OBI1: variants seen among roughly 807,000 people sequenced by gnomAD.
The protein encoded by OBI1 is ORC ubiquitin ligase 1.
In OBI1, 59 loss-of-function variants were observed where a neutral mutation model predicts 62.4. That is an observed-to-expected ratio of 0.95 (90% confidence interval 0.77 to 1.17). The LOEUF (loss-of-function observed/expected upper bound fraction) is 1.17, where lower values mean the gene tolerates loss of function less well. Ranked by LOEUF, OBI1 falls within the 50% of genes most tolerant of loss-of-function variation. The pLI is 0.00. For missense variants in OBI1, 875 were observed against 830.9 expected, an observed-to-expected ratio of 1.05 and a Z score of -0.65; for synonymous variants, 302 against 292.8, an observed-to-expected ratio of 1.03 and a Z score of -0.32.
rs770447882 is a variant in OBI1 at position 78,659,091 on chromosome 13, C to T, written c.30G>A (p.Leu10=). The change falls in exon 1 of 6, where the codon TTG becomes TTA. Residue 10 remains leucine, a synonymous_variant. Coordinates refer to ENST00000282003, the MANE Select transcript of OBI1 (RefSeq NM_024546.4). Reference sequence around the variant, plus strand: ...GGCACGTGATGGGCAGAGTGAGCGACAATGTAACATTCTGCACGGTCTGAG... The same window carrying T: ...GGCACGTGATGGGCAGAGTGAGCGATAATGTAACATTCTGCACGGTCTGAG... The part of the protein sequence containing the change: MAQTVQNVT[L]SLTLPITCHI... 2 of 1,612,684 alleles carry T rather than the reference C, an allele frequency of 1.2e-6. No homozygotes were observed. The highest frequency in any genetic ancestry group is 1.1e-5 in the South Asian group (1 of 90,946).
intron 2 of OBI1, among the ~76,000 whole-genome samples, chr13:78,643,315 T>TAA: frequency 6.6e-6 from 1 of 150,958 alleles, no homozygotes; most frequent in Middle Eastern, 3.4e-3. Context: ...ATTCAGCAGG[T>TAA]AAAAAAAAAC....
Position 78,642,216 on chromosome 13 carries a change from G to T in OBI1, c.209-3C>A. ...AGGTTCACTTTCACTTGTTCCTCCT[G>T]TAGGGAAAAAAAAAAAAATCCTAAT... On this transcript the variant is annotated splice_region_variant and splice_polypyrimidine_tract_variant and intron_variant, in intron 2 of 5. Coordinates refer to ENST00000282003, the MANE Select transcript of OBI1 (RefSeq NM_024546.4). 6.4e-7 allele frequency: 1 copy of T among 1,551,696 alleles called. No homozygotes were observed. Among genetic ancestry groups the T allele is most frequent in the Non-Finnish European group, 8.8e-7 (1 of 1,138,400 alleles).
In OBI1 at chr13:78,614,379, T is replaced by A. The variant is rs1053437364; in HGVS notation, c.*1201A>T. ...TACAATATTAATGTAAAATGTTCAG[T>A]GCACATTAAACAGCATACATACCCA... On this transcript the variant is annotated 3_prime_UTR_variant, in exon 6 of 6. Transcript: ENST00000282003. The A allele has an allele frequency of 2.6e-5, 4 of 152,618 alleles. No individual in the cohort carries two copies. The East Asian group carries it at 7.7e-4, about 29-fold the overall frequency. 9.5% of individuals were successfully genotyped at this position (152,618 alleles called of 1,614,324 possible).
intron 5 of OBI1, among the ~76,000 whole-genome samples, chr13:78,628,969 C>G (rs1369338811): frequency 6.6e-6 from 1 of 151,918 alleles, no homozygotes; most frequent in Admixed American, 6.5e-5. Context: ...ATTATTAAAG[C>G]CCTAAGCTAA....
At chr13:78,634,965 G>A in intron 5 of OBI1, 145 bp downstream of exon 5, 1 of 513,014 alleles carries the variant, frequency 1.9e-6, no homozygotes, top group Non-Finnish European at 3.4e-6. Context: ...ACAACACGAA[G>A]TATAAACTTG....
At chr13:78,637,163 A>G (rs1327021936) in intron 4 of OBI1, among the ~76,000 whole-genome samples, 2 of 152,212 alleles carry the variant, frequency 1.3e-5, no homozygotes, top group African/African-American at 4.8e-5. Flanking sequence ...TCAGAAAAAA[A>G]GTCCACTTCA....
intron 5 of OBI1, among the ~76,000 whole-genome samples, chr13:78,626,862 C>T (rs902118941): frequency 3.9e-5 from 6 of 152,132 alleles, no homozygotes; most frequent in Non-Finnish European, 2.9e-5. Flanking sequence ...GTCAGGAGAT[C>T]GAGACCATCC....
intron 1 of OBI1, among the ~76,000 whole-genome samples, chr13:78,652,586 G>A (rs185941896): frequency 2.0e-5 from 3 of 152,064 alleles, no homozygotes; most frequent in Admixed American, 6.5e-5. Context: ...CCTAGGGAGC[G>A]GTCCCCAACC....
chr13:78,656,266 G>A (rs1015423788), intron 1 of OBI1, among the ~76,000 whole-genome samples: 1 of 152,198 alleles, frequency 6.6e-6, no homozygotes, highest in Non-Finnish European at 1.5e-5. Context: ...TACTGTTACA[G>A]ATAAGGAAAC....
intron 4 of OBI1, among the ~76,000 whole-genome samples, chr13:78,636,217 GACA>G (rs1466466770): frequency 6.6e-6 from 1 of 152,078 alleles, no homozygotes; most frequent in Non-Finnish European, 1.5e-5. Flanking sequence ...ACTGATTCTG[GACA>G]CACTGAAAAC....
At chr13:78,653,915 C>T (rs1876619178) in intron 1 of OBI1, among the ~76,000 whole-genome samples, 1 of 151,682 alleles carries the variant, frequency 6.6e-6, no homozygotes, top group African/African-American at 2.4e-5. Flanking sequence ...AGGGGCACCA[C>T]TACTTCAACA....
intron 5 of OBI1, among the ~76,000 whole-genome samples, chr13:78,631,390 CAGAG>C (rs1875845198): frequency 6.6e-6 from 1 of 152,068 alleles, no homozygotes; most frequent in South Asian, 2.1e-4. Context: ...CTTTAGGGGT[CAGAG>C]AGAGTATTTA....
At chr13:78,630,824 T>C (rs1875823223) in intron 5 of OBI1, among the ~76,000 whole-genome samples, 1 of 152,196 alleles carries the variant, frequency 6.6e-6, no homozygotes, top group Non-Finnish European at 1.5e-5. Context: ...TAGGGTATTT[T>C]GTTATAGCAG....
chr13:78,644,728 A>C, intron 2 of OBI1, 134 bp downstream of exon 2: 1 of 959,910 alleles, frequency 1.0e-6, no homozygotes, highest in Non-Finnish European at 1.6e-6. Context: ...CATTACACAA[A>C]TTACTCAACC....
chr13:78,649,847 G>C (rs1466595874), intron 1 of OBI1, among the ~76,000 whole-genome samples: 1 of 152,196 alleles, frequency 6.6e-6, no homozygotes, highest in Admixed American at 6.5e-5. Context: ...TGGAAGATCT[G>C]TGGATGGAAA....
chr13:78,642,006 G>T (rs1876230913), intron 3 of OBI1, 116 bp downstream of exon 3: 2 of 458,104 alleles, frequency 4.4e-6, no homozygotes, highest in African/African-American at 2.0e-5. Context: ...CTTTTTATAG[G>T]CTTTTAAAAT....
At chr13:78,618,725 T>A (rs1240997322) in intron 5 of OBI1, among the ~76,000 whole-genome samples, 2 of 152,092 alleles carry the variant, frequency 1.3e-5, no homozygotes, top group Non-Finnish European at 2.9e-5. Flanking sequence ...AAACCACAGG[T>A]ATAACAAAAA....
chr13:78,647,530 C>T (rs1390138681), intron 1 of OBI1, among the ~76,000 whole-genome samples: 1 of 152,212 alleles, frequency 6.6e-6, no homozygotes, highest in East Asian at 1.9e-4. Context: ...CCTTTGCTCA[C>T]ATGTTTTCTT....
Position 78,615,940 on chromosome 13 carries a change from C to T in OBI1, c.1821G>A (p.Trp607Ter), listed in dbSNP as rs1053820980. 6.2e-7 allele frequency: 1 copy of T among 1,613,546 alleles called. No individual in the cohort carries two copies. The highest frequency in any genetic ancestry group is 1.3e-5 in the African/African-American group (1 of 74,938). Residue 607 changes from tryptophan (W) to a stop codon, truncating the protein, a stop_gained, in exon 6 of 6, where the codon TGG (tryptophan) becomes TGA (stop). Coordinates refer to ENST00000282003, the MANE Select transcript of OBI1 (RefSeq NM_024546.4). LOFTEE classifies it high-confidence loss of function. ...AGAGGAGAAAAAAAGAAGTGGGTTT[C>T]CATTCACTTCCATTTTCTAACTGAT... is the stretch of plus-strand genomic sequence containing the variant. Reference protein sequence around the residue: ...TNDQLENGSEWKPTSFFLLSP... With the variant: ...TNDQLENGSE
Sources: allele counts gnomAD v4.1 joint callset (sites outside exome capture counted in the v4.1 genomes callset), GRCh38; gene constraint gnomAD v4.1.1; transcripts MANE v1.5; gene names NCBI Gene and HGNC (gene_info 2026-07-23, HGNC 2026-07-21).